WWC2: variants seen among roughly 807,000 people sequenced by gnomAD.
WWC2 encodes protein WWC2.
WWC2 carries 101 observed loss-of-function variants against 138.5 expected under a neutral mutation model. The observed-to-expected ratio is 0.73, with a 90% CI of 0.62 to 0.86. The LOEUF (loss-of-function observed/expected upper bound fraction) is 0.86, where lower values mean the gene tolerates loss of function less well. Among genes scored for constraint, WWC2 ranks in the 40% least tolerant of loss-of-function variants. The pLI, the probability that WWC2 is intolerant of heterozygous loss-of-function variation, is 0.00. For missense variants in WWC2, 1,420 were observed against 1,419.4 expected (o/e 1.00, Z -0.01); for synonymous variants, 558 against 538.4 (o/e 1.04, Z -0.50).
At chr4:183,161,308 T>A (rs912741976) in intron 1 of WWC2, among the ~76,000 whole-genome samples, 5 of 152,218 alleles carry the variant, frequency 3.3e-5, no homozygotes, top group Admixed American at 3.3e-4. Flanking sequence ...ACCAAGGAGT[T>A]ATTTGAGCTT....
Position 183,280,890 on chromosome 4 carries a change from G to T in WWC2, c.2677G>T (p.Gly893Ter). The change falls in exon 17 of 23, where the codon GGA (glycine) becomes TGA (stop). Residue 893 changes from glycine to a stop codon, truncating the protein, a stop_gained. Transcript: ENST00000403733. LOFTEE classifies it high-confidence loss of function. The part of the protein sequence containing the change: ...SGQEEPRGPD[G>*]DWLTMLREAS... The stretch of plus-strand genomic sequence containing the variant: ...ACAAGAAGAGCCAAGGGGCCCAGAT[G>T]GAGACTGGTTAAACACTTATTTCCT... 1.9e-6 allele frequency: 3 copies of T among 1,563,392 alleles called. No homozygotes were observed. Among genetic ancestry groups the T allele is most frequent in the Non-Finnish European group, 2.6e-6 (3 of 1,153,406 alleles).
At chr4:183,266,208 T>C (rs1263130474) in intron 14 of WWC2, among the ~76,000 whole-genome samples, 1 of 152,226 alleles carries the variant, frequency 6.6e-6, no homozygotes, top group East Asian at 1.9e-4. Context: ...CCAGAAGCAC[T>C]GTTTTATGCT....
chr4:183,301,735 A>G (rs1288587648), intron 21 of WWC2, among the ~76,000 whole-genome samples: 1 of 152,234 alleles, frequency 6.6e-6, no homozygotes, highest in Non-Finnish European at 1.5e-5. Context: ...TAAATGCTTA[A>G]GTAACACATG....
At chr4:183,157,747 T>C (rs1230674695) in intron 1 of WWC2, among the ~76,000 whole-genome samples, 2 of 151,960 alleles carry the variant, frequency 1.3e-5, no homozygotes, top group Non-Finnish European at 2.9e-5. Context: ...GTGATCCGCC[T>C]CCCTCTGCCT....
At chr4:183,121,803 T>G (rs976136162) in intron 1 of WWC2, among the ~76,000 whole-genome samples, 51 of 149,626 alleles carry the variant, frequency 3.4e-4, no homozygotes, top group Non-Finnish European at 6.8e-4. Context: ...TTTTTTTTTT[T>G]GCGACAGAGT....
At chr4:183,291,574 G>C (rs1738451447) in intron 21 of WWC2, among the ~76,000 whole-genome samples, 1 of 152,138 alleles carries the variant, frequency 6.6e-6, no homozygotes, top group Non-Finnish European at 1.5e-5. Context: ...GCCTTCCAAA[G>C]CTGAATTGGA....
intron 1 of WWC2, among the ~76,000 whole-genome samples, chr4:183,159,185 A>G (rs1733888706): frequency 1.3e-5 from 2 of 152,256 alleles, no homozygotes; most frequent in Admixed American, 1.3e-4. Context: ...ATATTACAGC[A>G]GAACTGATAG....
chr4:183,243,737 C>CTG (rs56654737), intron 5 of WWC2, among the ~76,000 whole-genome samples: 10,577 of 129,650 alleles, frequency 0.082, 363 homozygotes, highest in African/African-American at 0.1. Flanking sequence ...ATTCTAAACA[C>CTG]TGTGTGTGTG....
At chr4:183,219,189 G>C (rs1735851506) in intron 4 of WWC2, among the ~76,000 whole-genome samples, 1 of 152,168 alleles carries the variant, frequency 6.6e-6, no homozygotes, top group Admixed American at 6.5e-5. Context: ...TGAGGAAGAA[G>C]AGAAAGGAGT....
intron 11 of WWC2, among the ~76,000 whole-genome samples, chr4:183,263,313 G>T (rs1737395251): frequency 6.6e-6 from 1 of 152,080 alleles, no homozygotes; most frequent in Non-Finnish European, 1.5e-5. Context: ...GAGTGATGAG[G>T]GAAAAAGTTG....
chr4:183,241,602 A>G (rs1736623719), intron 5 of WWC2, among the ~76,000 whole-genome samples: 1 of 152,214 alleles, frequency 6.6e-6, no homozygotes, highest in African/African-American at 2.4e-5. Flanking sequence ...GCTTAGAAAA[A>G]TAATGTTTCT....
At chr4:183,123,775 A>AT (rs1474965571) in intron 1 of WWC2, among the ~76,000 whole-genome samples, 1 of 152,166 alleles carries the variant, frequency 6.6e-6, no homozygotes, top group Non-Finnish European at 1.5e-5. Flanking sequence ...GCTTTACACT[A>AT]TTAATATGAT....
At chr4:183,279,649 T>G (rs1208869968) in intron 16 of WWC2, among the ~76,000 whole-genome samples, 1 of 152,130 alleles carries the variant, frequency 6.6e-6, no homozygotes, top group Non-Finnish European at 1.5e-5. Context: ...TGCCACAATT[T>G]CAGATCCTGT....
intron 1 of WWC2, among the ~76,000 whole-genome samples, chr4:183,178,244 A>G (rs1012218903): frequency 2.6e-5 from 4 of 152,122 alleles, no homozygotes; most frequent in Admixed American, 1.3e-4. Flanking sequence ...GTAGACTGCA[A>G]AAGAAGTTAA....
chr4:183,268,962 T>A lies in WWC2; in HGVS notation c.2208-9T>A. 1 of 1,607,044 alleles carries A rather than the reference T, an allele frequency of 6.2e-7. No homozygotes were observed. Among genetic ancestry groups the A allele is most frequent in the Non-Finnish European group, 8.5e-7 (1 of 1,177,372 alleles). ...CCTATGAAATCCATTTTATTCTTGT[T>A]CTTTGCAGATATTTTAGGGTTGCCG... On this transcript the variant is annotated splice_polypyrimidine_tract_variant and intron_variant, in intron 14 of 22. Coordinates refer to ENST00000403733, the MANE Select transcript of WWC2 (RefSeq NM_024949.6).
intron 1 of WWC2, among the ~76,000 whole-genome samples, chr4:183,144,075 C>T (rs1733381397): frequency 6.6e-6 from 1 of 152,114 alleles, no homozygotes; most frequent in Admixed American, 6.5e-5. Flanking sequence ...TTCTGAGTAT[C>T]TTCAGGTATA....
At chr4:183,238,196 C>T (rs1373005018) in intron 4 of WWC2, among the ~76,000 whole-genome samples, 1 of 152,124 alleles carries the variant, frequency 6.6e-6, no homozygotes, top group Non-Finnish European at 1.5e-5. Flanking sequence ...TCCTGTTCTC[C>T]AGGAAAGCAC....
chr4:183,099,562 G>T lies in WWC2; in HGVS notation c.71G>T (p.Gly24Val). 1 of 1,423,012 alleles carries T rather than the reference G, an allele frequency of 7.0e-7. No homozygotes were observed. Among genetic ancestry groups the T allele is most frequent in the South Asian group, 1.4e-5 (1 of 70,802 alleles). The allele number at this position is 1,423,012 out of a possible 1,614,324, so 88.1% of individuals were successfully genotyped here. A position where few individuals can be genotyped will look rare whatever the true frequency, so the allele number is the denominator to read the frequency against. Residue 24 changes from glycine to valine, a missense_variant, in exon 1 of 23, where the codon GGC becomes GTC. By Grantham distance (109) the Gly-to-Val change is moderately radical (BLOSUM62 -3). Coordinates refer to ENST00000403733, the MANE Select transcript of WWC2 (RefSeq NM_024949.6). ...RGWEEARDYD[G>V]KVFYIDHNTR... The stretch of plus-strand genomic sequence containing the variant: ...TGGGAGGAGGCCAGGGACTACGACG[G>T]CAAGGTCTTCTACATTGACCACAAC...
At chr4:183,111,257 T>A (rs1396367699) in intron 1 of WWC2, among the ~76,000 whole-genome samples, 1 of 151,932 alleles carries the variant, frequency 6.6e-6, no homozygotes, top group African/African-American at 2.4e-5. Context: ...AAAATAAAAT[T>A]CTGACTTACT....
Sources: gnomAD v4.1 joint callset for allele counts (sites outside exome capture counted in the v4.1 genomes callset) on GRCh38, gnomAD v4.1.1 for gene constraint, MANE v1.5 for transcripts, NCBI Gene and HGNC (gene_info 2026-07-23, HGNC 2026-07-21) for gene names.